DCP1A: variants seen among roughly 807,000 people sequenced by gnomAD.
The protein encoded by DCP1A is mRNA-decapping enzyme 1A.
A neutral mutation model predicts 58.0 loss-of-function variants in DCP1A; 20 were observed. The observed-to-expected ratio is 0.34, with a 90% confidence interval of 0.24 to 0.50. The LOEUF (loss-of-function observed/expected upper bound fraction) is 0.50, where lower values mean the gene tolerates loss of function less well. Among genes scored for constraint, DCP1A ranks in the 20% least tolerant of loss-of-function variants. The pLI is 0.98. For missense variants in DCP1A, 613 were observed against 712.2 expected, an observed-to-expected ratio of 0.86 and a Z score of 1.59; for synonymous variants, 285 against 275.1, an observed-to-expected ratio of 1.04 and a Z score of -0.36.
Position 53,319,479 on chromosome 3 carries a change from AAAAC to A in DCP1A, c.305-10_305-7del, listed in dbSNP as rs1271163212. 6.5e-7 allele frequency: 1 copy of A among 1,538,690 alleles called. No homozygotes were observed. Among genetic ancestry groups the A allele is most frequent in the African/African-American group, 1.4e-5 (1 of 73,108 alleles). On this transcript the variant is annotated splice_region_variant and splice_polypyrimidine_tract_variant and intron_variant, in intron 3 of 9. Coordinates refer to ENST00000610213, the MANE Select transcript of DCP1A (RefSeq NM_018403.7). ...CCAGATACTATATATCGACACTTGA[AAAAC>A]AAAGGGAAAAAAAGATAAGAAGAAA...
At chr3:53,293,880 T>C (rs889641934) in intron 6 of DCP1A, among the ~76,000 whole-genome samples, 1 of 151,912 alleles carries the variant, frequency 6.6e-6, no homozygotes, top group Non-Finnish European at 1.5e-5. Flanking sequence ...GCTGTGACTG[T>C]GATGTGAAAA....
intron 3 of DCP1A, among the ~76,000 whole-genome samples, chr3:53,326,927 G>T (rs1708121228): frequency 6.6e-6 from 1 of 151,742 alleles, no homozygotes; most frequent in Non-Finnish European, 1.5e-5. Flanking sequence ...AAAGGTTGGG[G>T]AATGCTGGTG....
At chr3:53,311,593 T>C (rs17307574) in intron 5 of DCP1A, among the ~76,000 whole-genome samples, 48,841 of 152,118 alleles carry the variant, frequency 0.32, 8,611 homozygotes, top group Middle Eastern at 0.42. Flanking sequence ...AAGCCTCTCA[T>C]TTGGGTAAAA....
intron 5 of DCP1A, among the ~76,000 whole-genome samples, chr3:53,305,427 G>A (rs1707441709): frequency 6.6e-6 from 1 of 150,684 alleles, no homozygotes; most frequent in African/African-American, 2.4e-5. Flanking sequence ...TCAGCTTACT[G>A]TGCTCTCTGC....
chr3:53,315,740 TGTTG>T (rs1559694401), intron 4 of DCP1A, among the ~76,000 whole-genome samples: 18 of 114,806 alleles, frequency 1.6e-4, no homozygotes, highest in African/African-American at 5.2e-4. Context: ...TAAATCAGTT[TGTTG>T]TTTTTTTTTT....
chr3:53,309,376 A>T (rs1707578057), intron 5 of DCP1A, among the ~76,000 whole-genome samples: 1 of 152,080 alleles, frequency 6.6e-6, no homozygotes, highest in Non-Finnish European at 1.5e-5. Context: ...TCTCAAAAAA[A>T]AAAAAAAAGG....
At chr3:53,295,896 C>CTT (rs112256781) in intron 6 of DCP1A, among the ~76,000 whole-genome samples, 2,851 of 144,300 alleles carry the variant, frequency 0.02, 96 homozygotes, top group African/African-American at 0.067. Context: ...ACCATGTGGT[C>CTT]TTTTTTTTTT....
At chr3:53,308,466 A>G (rs1203677859) in intron 5 of DCP1A, among the ~76,000 whole-genome samples, 2 of 152,054 alleles carry the variant, frequency 1.3e-5, no homozygotes, top group Non-Finnish European at 2.9e-5. Context: ...TGATTTTTAA[A>G]TTTTTTATAG....
chr3:53,302,661 C>T (rs1707347220), intron 6 of DCP1A, among the ~76,000 whole-genome samples: 1 of 152,138 alleles, frequency 6.6e-6, no homozygotes, highest in African/African-American at 2.4e-5. Flanking sequence ...CTTGCTCTGT[C>T]GCCTAGGCTG....
chr3:53,303,264 GTTA>G (rs1170804224), intron 6 of DCP1A, among the ~76,000 whole-genome samples: 1 of 151,252 alleles, frequency 6.6e-6, no homozygotes, highest in Non-Finnish European at 1.5e-5. Flanking sequence ...GGGTGTTACT[GTTA>G]TTATTTTTTT....
At chr3:53,291,123 G>C (rs117263581) in intron 7 of DCP1A, among the ~76,000 whole-genome samples, 1 of 152,070 alleles carries the variant, frequency 6.6e-6, no homozygotes, top group Admixed American at 6.5e-5. Context: ...AGCCTTTCAG[G>C]TATCTTTAAA....
At position 53,312,344 on chromosome 3, in the gene DCP1A, G is replaced by A. The variant is rs1707671758; in HGVS notation, c.407C>T (p.Ala136Val). Residue 136 changes from alanine to valine, a missense_variant, in exon 5 of 10, where the codon GCT (alanine) becomes GTT (valine). Transcript: ENST00000610213. Reference sequence around the variant, plus strand: ...GCTGGGACTCTGTTTGTCCCGAGCAGCTTGCTGGGATCGCCGTGTCTCCTC... The same window carrying A: ...GCTGGGACTCTGTTTGTCCCGAGCAACTTGCTGGGATCGCCGTGTCTCCTC... ...VEEETRRSQQ[A>V]ARDKQSPSQA... is the part of the protein sequence containing the mutation. The A allele has an allele frequency of 1.2e-6, 2 of 1,612,366 alleles. No homozygotes were observed. The highest frequency in any genetic ancestry group is 1.7e-6 in the Non-Finnish European group (2 of 1,179,322).
At chr3:53,342,323 A>ATAACATTTCTACAG in intron 2 of DCP1A, 52 bp from the exon 3 acceptor site, 2 of 1,308,458 alleles carry the variant, frequency 1.5e-6, no homozygotes, top group Non-Finnish European at 2.1e-6. Flanking sequence ...TAATCTGTAG[A>ATAACATTTCTACAG]AATGTTATCT....
At chr3:53,315,744 G>GTTGTTTTTTT (rs1707785523) in intron 4 of DCP1A, among the ~76,000 whole-genome samples, 1 of 95,416 alleles carries the variant, frequency 1.0e-5, no homozygotes, top group Non-Finnish European at 1.9e-5. Flanking sequence ...TCAGTTTGTT[G>GTTGTTTTTTT]TTTTTTTTTT....
At position 53,329,140 on chromosome 3, in the gene DCP1A, T is replaced by C. The variant is rs527915013; in HGVS notation, c.305-9667A>G. 22 of 388,154 alleles carry C rather than the reference T, an allele frequency of 5.7e-5. No homozygotes were observed. In the South Asian group the frequency reaches 1.2e-3, roughly 20 times the overall value. The allele number at this position is 388,154 out of a possible 1,614,324, so 24.0% of individuals were successfully genotyped here. A position where few individuals can be genotyped will look rare whatever the true frequency, so the allele number is the denominator to read the frequency against. The stretch of plus-strand genomic sequence containing the variant: ...GTAAGGAAATTTCTTGCGCTGTGCT[T>C]TAAAAGTCTGAAGATTTGCTCCAAA... On this transcript the variant is annotated intron_variant, in intron 3 of 9. Transcript: ENST00000610213.
Position 53,335,131 on chromosome 3 carries a change from T to TA in DCP1A, c.304+7012_304+7013insT, listed in dbSNP as rs1559705019. ...CACGCGCATGTGTATATATATATAT[T>TA]TTTTTTATTTTTATTTATTTATTTT... On this transcript the variant is annotated intron_variant, in intron 3 of 9. Coordinates refer to ENST00000610213, the MANE Select transcript of DCP1A (RefSeq NM_018403.7). 8.8e-5 allele frequency among the ~76,000 whole-genome samples: 13 copies of TA among 147,744 alleles called. No homozygotes were observed. In the South Asian group the frequency reaches 1.3e-3, roughly 15 times the overall value.
intron 3 of DCP1A, chr3:53,329,072 G>C (rs1440554515): frequency 3.1e-6 from 1 of 319,746 alleles, no homozygotes; most frequent in African/African-American, 2.1e-5. Context: ...AGTGTGGAGG[G>C]AGAACTCACA....
chr3:53,285,645 C>T lies in DCP1A; in HGVS notation c.*1935G>A, dbSNP rs1553685031. Reference sequence around the variant, plus strand: ...ACAGACTCTCTTTAGGATATTCTCTCTTAACTCTCTCATAATATTACATAC... The same window carrying T: ...ACAGACTCTCTTTAGGATATTCTCTTTTAACTCTCTCATAATATTACATAC... On this transcript the variant is annotated 3_prime_UTR_variant, in exon 10 of 10. Coordinates refer to ENST00000610213, the MANE Select transcript of DCP1A (RefSeq NM_018403.7). 6.6e-6 allele frequency: 1 copy of T among 152,120 alleles called. No individual in the cohort carries two copies. The highest frequency in any genetic ancestry group is 1.5e-5 in the Non-Finnish European group (1 of 68,020). 9.4% of individuals were successfully genotyped at this position (152,120 alleles called of 1,614,324 possible). A position where few individuals can be genotyped will look rare whatever the true frequency, so the allele number is the denominator to read the frequency against.
chr3:53,303,700 C>T (rs1343282589), intron 6 of DCP1A, among the ~76,000 whole-genome samples: 1 of 152,164 alleles, frequency 6.6e-6, no homozygotes, highest in Non-Finnish European at 1.5e-5. Context: ...AAAGGCCTGT[C>T]TCGAGGCAGG....
Sources: allele counts gnomAD v4.1 joint callset (sites outside exome capture counted in the v4.1 genomes callset), GRCh38; gene constraint gnomAD v4.1.1; transcripts MANE v1.5; gene names NCBI Gene and HGNC (gene_info 2026-07-23, HGNC 2026-07-21).